The following TMEM43 variants were observed in gnomAD, a reference collection of about 807,000 sequenced individuals.
TMEM43 encodes the protein arrhythmogenic right ventricular dysplasia 5.
Under a neutral mutation model 49.6 loss-of-function variants are expected in TMEM43, and 45 were observed. That is an observed-to-expected ratio of 0.91 (90% CI 0.71 to 1.16). The LOEUF (loss-of-function observed/expected upper bound fraction) is 1.16. Ranked by LOEUF, TMEM43 falls within the 50% of genes most tolerant of loss-of-function variation. The pLI, the probability that TMEM43 is intolerant of heterozygous loss-of-function variation, is 0.00. For missense variants in TMEM43, 532 were observed against 516.6 expected, an observed-to-expected ratio of 1.03 and a Z score of -0.29; for synonymous variants, 199 against 207.8, an observed-to-expected ratio of 0.96 and a Z score of 0.36.
chr3:14,134,001 C>G (rs532211756), intron 7 of TMEM43, among the ~76,000 whole-genome samples, 192 bp downstream of exon 7: 1 of 152,186 alleles, frequency 6.6e-6, no homozygotes, highest in African/African-American at 2.4e-5. Flanking sequence ...ACCCCCACCC[C>G]ACTCCATCCT....
At chr3:14,138,416 C>T (rs1322779916) in intron 10 of TMEM43, among the ~76,000 whole-genome samples, 2 of 151,972 alleles carry the variant, frequency 1.3e-5, no homozygotes, top group Admixed American at 6.6e-5. Context: ...GTAAGAGACT[C>T]GGGAATATGT....
chr3:14,139,743 G>A (rs1384925962), intron 11 of TMEM43, among the ~76,000 whole-genome samples: 6 of 152,180 alleles, frequency 3.9e-5, no homozygotes, highest in Non-Finnish European at 5.9e-5. Flanking sequence ...GTGGCAAATA[G>A]GAAACACCCA....
Position 14,141,845 on chromosome 3 carries a change from CCTCT to C in TMEM43, c.*54_*57del. 6.5e-7 allele frequency: 1 copy of C among 1,547,502 alleles called. No individual in the cohort carries two copies. The highest frequency in any genetic ancestry group is 8.7e-7 in the Non-Finnish European group (1 of 1,143,010). On this transcript the variant is annotated 3_prime_UTR_variant, in exon 12 of 12. Coordinates refer to ENST00000306077, the MANE Select transcript of TMEM43 (RefSeq NM_024334.3). Reference sequence around the variant, plus strand: ...CCTGCGTGAGCCCTAGGATCCAGGTCCTCTCTCACCTCTGACCCAGCTCCATGCC... The same window carrying C: ...CCTGCGTGAGCCCTAGGATCCAGGTCCTCACCTCTGACCCAGCTCCATGCC...
intron 10 of TMEM43, 113 bp from the exon 11 acceptor site, chr3:14,139,050 CCACTCCGTCTGGCCTGT>C: frequency 1.3e-6 from 1 of 742,486 alleles, no homozygotes; most frequent in Non-Finnish European, 2.4e-6. Context: ...AGGCTTGCCC[CCACTCCGTCTGGCCTGT>C]TCAGAAATGG....
intron 1 of TMEM43, chr3:14,129,019 G>T (rs1267090489): frequency 6.6e-6 from 3 of 453,136 alleles, no homozygotes; most frequent in Non-Finnish European, 1.3e-5. Flanking sequence ...CCAAGAAGCT[G>T]GGCAGAAAGG....
chr3:14,129,055 T>G (rs778047791), intron 1 of TMEM43: 54 of 439,200 alleles, frequency 1.2e-4, no homozygotes, highest in Middle Eastern at 6.7e-4. Context: ...TCCATTTTTC[T>G]CAAGTTGTAG....
At chr3:14,134,271 G>A (rs1055037624) in intron 7 of TMEM43, among the ~76,000 whole-genome samples, 1 of 152,242 alleles carries the variant, frequency 6.6e-6, no homozygotes, top group African/African-American at 2.4e-5. Flanking sequence ...AAGGGATAAG[G>A]TGGCACCATG....
intron 2 of TMEM43, among the ~76,000 whole-genome samples, chr3:14,130,091 T>C (rs555773632): frequency 1.3e-5 from 2 of 151,854 alleles, no homozygotes; most frequent in East Asian, 3.9e-4. Context: ...CTTGTTTGTT[T>C]GTTTCTTTCT....
chr3:14,131,544 C>A lies in TMEM43; in HGVS notation c.298-36C>A, dbSNP rs756312241. The stretch of plus-strand genomic sequence containing the variant: ...CTTTCTGGGCTGACGTGAATGTTAT[C>A]CTTTATTTTTTTGGTTTCTTTGATT... On this transcript the variant is annotated intron_variant, in intron 3 of 11. Coordinates refer to ENST00000306077, the MANE Select transcript of TMEM43 (RefSeq NM_024334.3). The A allele has an allele frequency of 1.9e-6, 3 of 1,579,510 alleles. No homozygotes were observed. In the South Asian group the frequency reaches 3.3e-5, roughly 18 times the overall value.
chr3:14,136,016 G>A (rs749049529), intron 10 of TMEM43, 108 bp downstream of exon 10: 4 of 967,012 alleles, frequency 4.1e-6, no homozygotes, highest in South Asian at 2.6e-5. Flanking sequence ...CAGTGAATGA[G>A]GCAAGAAGAA....
At chr3:14,132,620 T>A in intron 5 of TMEM43, 25 bp downstream of exon 5, 1 of 1,613,272 alleles carries the variant, frequency 6.2e-7, no homozygotes, top group Non-Finnish European at 8.5e-7. Context: ...CCTTACGTGG[T>A]CTCTGCCCAT....
rs780991894 is a variant in TMEM43, at chr3:14,141,831, CCTAGGAT to C, written c.*38_*44del. ...GCACCCGCCCGACACCTGCGTGAGC[CCTAGGAT>C]CCAGGTCCTCTCTCACCTCTGACCC... On this transcript the variant is annotated 3_prime_UTR_variant, in exon 12 of 12. Transcript: ENST00000306077. 7 of 1,591,254 alleles carry C rather than the reference CCTAGGAT, an allele frequency of 4.4e-6. No individual in the cohort carries two copies. The highest frequency in any genetic ancestry group is 6.0e-6 in the Non-Finnish European group (7 of 1,170,818).
rs1358406913 is a variant in TMEM43 at position 14,143,164 on chromosome 3, C to T, written c.*1369C>T. On this transcript the variant is annotated 3_prime_UTR_variant, in exon 12 of 12. Coordinates refer to ENST00000306077, the MANE Select transcript of TMEM43 (RefSeq NM_024334.3). ...TTTTAAAGATAAAGTATGTTGTAACCAGGATGTCTTAAATGATTCTTTGTG... is the reference window on the plus strand; with the variant it reads ...TTTTAAAGATAAAGTATGTTGTAACTAGGATGTCTTAAATGATTCTTTGTG... 1 of 152,220 alleles carries T rather than the reference C, an allele frequency of 6.6e-6. No homozygotes were observed. Among genetic ancestry groups the T allele is most frequent in the Non-Finnish European group, 1.5e-5 (1 of 68,046 alleles). 9.4% of individuals were successfully genotyped at this position (152,220 alleles called of 1,614,324 possible). A position where few individuals can be genotyped will look rare whatever the true frequency, so the allele number is the denominator to read the frequency against.
rs751419150 is a variant in TMEM43, at chr3:14,134,890, A to G, written c.704A>G (p.Glu235Gly). 6.2e-7 allele frequency: 1 copy of G among 1,614,060 alleles called. No individual in the cohort carries two copies. The highest frequency in any genetic ancestry group is 2.2e-5 in the East Asian group (1 of 44,864). ...FYHSENPKYP[E>G]VGDLRVSFSY... ...CACAGCGAAAATCCCAAGTATCCAG[A>G]GGTGTGCGGAGAGGCCTGGGCTCTC... The change falls in exon 8 of 12, where the codon GAG becomes GGG. Residue 235 changes from glutamate to glycine, a missense_variant and splice_region_variant. Coordinates refer to ENST00000306077, the MANE Select transcript of TMEM43 (RefSeq NM_024334.3).
chr3:14,133,824 T>G lies in TMEM43; in HGVS notation c.583+15T>G. On this transcript the variant is annotated intron_variant, in intron 7 of 11. Coordinates refer to ENST00000306077, the MANE Select transcript of TMEM43 (RefSeq NM_024334.3). ...CCTCTCGTCAGGTAAGTCTCAGGCC[T>G]CTCCAGAGGAGCTCGTGCCAGAAGC... The G allele has an allele frequency of 1.9e-6, 3 of 1,613,308 alleles. No individual in the cohort carries two copies. Among genetic ancestry groups the G allele is most frequent in the South Asian group, 2.2e-5 (2 of 91,076 alleles).
intron 10 of TMEM43, 102 bp from the exon 11 acceptor site, chr3:14,139,078 C>A: frequency 1.2e-6 from 1 of 860,988 alleles, no homozygotes; most frequent in Non-Finnish European, 2.0e-6. Context: ...TCAGAAATGG[C>A]CAACAGCTCC....
chr3:14,125,320 C>G, intron 1 of TMEM43, 115 bp downstream of exon 1: 1 of 1,271,484 alleles, frequency 7.9e-7, no homozygotes, highest in Non-Finnish European at 1.1e-6. Flanking sequence ...GCGGCTAGGC[C>G]CGCATCTCCC....
intron 6 of TMEM43, among the ~76,000 whole-genome samples, 176 bp downstream of exon 6, chr3:14,133,111 C>T (rs1006172546): frequency 2.0e-5 from 3 of 152,186 alleles, no homozygotes; most frequent in Non-Finnish European, 2.9e-5. Context: ...AGACTTGTCT[C>T]CCCTGACCCC....
chr3:14,139,075 T>C, intron 10 of TMEM43, 105 bp from the exon 11 acceptor site: 1 of 839,914 alleles, frequency 1.2e-6, no homozygotes, highest in Non-Finnish European at 2.1e-6. Context: ...TGTTCAGAAA[T>C]GGCCAACAGC....
Sources: gnomAD v4.1 joint callset for allele counts (sites outside exome capture counted in the v4.1 genomes callset) on GRCh38, gnomAD v4.1.1 for gene constraint, MANE v1.5 for transcripts, NCBI Gene and HGNC (gene_info 2026-07-23, HGNC 2026-07-21) for gene names.